The following RAB15 variants were observed in gnomAD, a reference collection of about 807,000 sequenced individuals.
RAB15 encodes the protein RAB15, member RAS oncogene family.
RAB15 carries 13 observed loss-of-function variants against 31.8 expected under a neutral mutation model. That is an observed-to-expected ratio of 0.41 (90% CI 0.27 to 0.65). The LOEUF is 0.65. RAB15 is among the 30% of genes least tolerant of loss of function. The pLI is 0.32. For missense variants in RAB15, 220 were observed against 277.3 expected, an observed-to-expected ratio of 0.79 and a Z score of 1.47; for synonymous variants, 100 against 105.6, an observed-to-expected ratio of 0.95 and a Z score of 0.33.
chr14:64,948,099 G>A lies in RAB15; in HGVS notation c.*255C>T, dbSNP rs1886014364. Reference sequence around the variant, plus strand: ...GGTGAGACAGTGCTTGCGGCACATCGTGGGGGTCGTAGCAGGCCTGTGGCT... The same window carrying A: ...GGTGAGACAGTGCTTGCGGCACATCATGGGGGTCGTAGCAGGCCTGTGGCT... On this transcript the variant is annotated 3_prime_UTR_variant, in exon 7 of 7. Transcript: ENST00000533601. The surrounding 1 kb of genome is among the most constrained non-coding windows in gnomAD (Gnocchi z 7.0). 1.7e-5 allele frequency: 7 copies of A among 423,362 alleles called. No individual in the cohort carries two copies. In the South Asian group the frequency reaches 3.3e-4, roughly 20 times the overall value. 26.2% of individuals were successfully genotyped at this position (423,362 alleles called of 1,614,324 possible).
rs1228968926 is a variant in RAB15 at position 64,950,176 on chromosome 14, G to A, written c.414+149C>T. 4 of 712,360 alleles carry A rather than the reference G, an allele frequency of 5.6e-6. No individual in the cohort carries two copies. Among genetic ancestry groups the A allele is most frequent in the Non-Finnish European group, 1.0e-5 (4 of 397,214 alleles). The allele number at this position is 712,360 out of a possible 1,614,324, so 44.1% of individuals were successfully genotyped here. On this transcript the variant is annotated intron_variant, in intron 5 of 6. Transcript: ENST00000533601. This position sits in a 1 kb window ranked among gnomAD's most constrained non-coding sequence, Gnocchi z 5.6. ...GAAACCCAGACAACAAGCCTTCCGA[G>A]GATGGCCACTCCCCCAGGGCCTTGG...
At position 64,950,870 on chromosome 14, in the gene RAB15, A is replaced by AG; in HGVS notation, c.324+203dup. 1.0e-6 allele frequency: 1 copy of AG among 981,788 alleles called. No individual in the cohort carries two copies. Among genetic ancestry groups the AG allele is most frequent in the Non-Finnish European group, 1.6e-6 (1 of 643,364 alleles). The allele number at this position is 981,788 out of a possible 1,614,324, so 60.8% of individuals were successfully genotyped here. A position where few individuals can be genotyped will look rare whatever the true frequency, so the allele number is the denominator to read the frequency against. ...ACTAATTCATTTCCGGGAAAGACAC[A>AG]GCCGTGGAGGCCTGGCAGGGTATAG... On this transcript the variant is annotated intron_variant, in intron 4 of 6. Coordinates refer to ENST00000533601, the MANE Select transcript of RAB15 (RefSeq NM_001308154.2). This position sits in a 1 kb window ranked among gnomAD's most constrained non-coding sequence, Gnocchi z 5.6.
At position 64,971,877 on chromosome 14, in the gene RAB15, C is replaced by T. The variant is rs2140010053; in HGVS notation, c.124+76G>A. 1.4e-6 allele frequency: 2 copies of T among 1,423,164 alleles called. No individual in the cohort carries two copies. The highest frequency in any genetic ancestry group is 1.9e-6 in the Non-Finnish European group (2 of 1,049,290). 88.2% of individuals were successfully genotyped at this position (1,423,164 alleles called of 1,614,324 possible). On this transcript the variant is annotated intron_variant, in intron 1 of 6. Transcript: ENST00000533601. The surrounding 1 kb of genome is among the most constrained non-coding windows in gnomAD (Gnocchi z 4.1). The stretch of plus-strand genomic sequence containing the variant: ...AGCCGGAGGGGCTGGCAATTCCTCC[C>T]CAGCTGGGGACGGGGGCGGCGGGGA...
chr14:64,969,398 A>C (rs1471359234), intron 1 of RAB15, among the ~76,000 whole-genome samples: 3 of 152,234 alleles, frequency 2.0e-5, no homozygotes, highest in Admixed American at 2.0e-4. Context: ...CTTTCCTTTA[A>C]GTTTTAGTTA....
chr14:64,969,868 AG>A (rs1887335243), intron 1 of RAB15, among the ~76,000 whole-genome samples: 1 of 152,146 alleles, frequency 6.6e-6, no homozygotes, highest in Non-Finnish European at 1.5e-5. Context: ...GACAAGGAGA[AG>A]GGTGGATGAT....
rs1887427693 is a variant in RAB15 at position 64,971,701 on chromosome 14, C to T, written c.124+252G>A. On this transcript the variant is annotated intron_variant, in intron 1 of 6. Coordinates refer to ENST00000533601, the MANE Select transcript of RAB15 (RefSeq NM_001308154.2). The surrounding 1 kb of genome is among the most constrained non-coding windows in gnomAD (Gnocchi z 4.1). ...CACCAGCTCCCCTCACCCCCGGTTT[C>T]TCGGTTTGATGGGACGGAAGGCTTC... 1.9e-6 allele frequency: 1 copy of T among 535,664 alleles called. No homozygotes were observed. The highest frequency in any genetic ancestry group is 3.4e-6 in the Non-Finnish European group (1 of 298,046). 33.2% of individuals were successfully genotyped at this position (535,664 alleles called of 1,614,324 possible). A position where few individuals can be genotyped will look rare whatever the true frequency, so the allele number is the denominator to read the frequency against.
At position 64,948,474 on chromosome 14, in the gene RAB15, A is replaced by G. The variant is rs370909235; in HGVS notation, c.519T>C (p.His173=). Residue 173 remains histidine, a synonymous_variant, in exon 7 of 7, where the codon CAT becomes CAC. Coordinates refer to ENST00000533601, the MANE Select transcript of RAB15 (RefSeq NM_001308154.2). This position sits in a 1 kb window ranked among gnomAD's most constrained non-coding sequence, Gnocchi z 7.0. ...TCCGGAGGCCTTCCAGCTCCTTCCT[A>G]TGGGCCTGCAGCACCAGCTCTGTCA... is the stretch of plus-strand genomic sequence containing the variant. ...TRLTELVLQA[H]RKELEGLRMR... 12 of 1,612,406 alleles carry G rather than the reference A, an allele frequency of 7.4e-6. No homozygotes were observed. The highest frequency in any genetic ancestry group is 3.3e-4 in the Middle Eastern group (2 of 6,076).
rs997913004 is a variant in RAB15 at position 64,965,000 on chromosome 14, C to T, written c.124+6953G>A. 9.2e-5 allele frequency among the ~76,000 whole-genome samples: 14 copies of T among 152,160 alleles called. No homozygotes were observed. In the East Asian group the frequency reaches 2.5e-3, roughly 27 times the overall value. On this transcript the variant is annotated intron_variant, in intron 1 of 6. Coordinates refer to ENST00000533601, the MANE Select transcript of RAB15 (RefSeq NM_001308154.2). Reference sequence around the variant, plus strand: ...TCACTCTGTCACCCAGGCTGGAGTACAGTGGTGTGATCACAGCTCACTGTG... The same window carrying T: ...TCACTCTGTCACCCAGGCTGGAGTATAGTGGTGTGATCACAGCTCACTGTG...
chr14:64,971,671 G>T lies in RAB15; in HGVS notation c.124+282C>A, dbSNP rs1308888540. ...TGCTACCCCAGCTCGGGGTACCCAG[G>T]CCTACACCAGCTCCCCTCACCCCCG... On this transcript the variant is annotated intron_variant, in intron 1 of 6. Transcript: ENST00000533601. This position sits in a 1 kb window ranked among gnomAD's most constrained non-coding sequence, Gnocchi z 4.1. 1 of 492,220 alleles carries T rather than the reference G, an allele frequency of 2.0e-6. No homozygotes were observed. Among genetic ancestry groups the T allele is most frequent in the East Asian group, 3.9e-5 (1 of 25,590 alleles). The allele number at this position is 492,220 out of a possible 1,614,324, so 30.5% of individuals were successfully genotyped here. A position where few individuals can be genotyped will look rare whatever the true frequency, so the allele number is the denominator to read the frequency against.
intron 1 of RAB15, among the ~76,000 whole-genome samples, chr14:64,966,999 A>G (rs8004904): frequency 0.44 from 66,751 of 151,300 alleles, 16,589 homozygotes; most frequent in African/African-American, 0.66. Context: ...AGGTCACCCC[A>G]TTCCAGGCTT....
chr14:64,957,570 G>C (rs963540414), intron 1 of RAB15, among the ~76,000 whole-genome samples: 1 of 152,090 alleles, frequency 6.6e-6, no homozygotes, highest in Admixed American at 6.5e-5. Context: ...CCACACCCAG[G>C]TGCATAGTGC....
chr14:64,965,134 GTTTTC>G (rs894748257), intron 1 of RAB15, among the ~76,000 whole-genome samples: 4 of 152,192 alleles, frequency 2.6e-5, no homozygotes, highest in African/African-American at 7.2e-5. Context: ...TTTTTGTTTT[GTTTTC>G]TTTTCTTTTC....
Position 64,961,457 on chromosome 14 carries a change from T to C in RAB15, c.125-8886A>G, listed in dbSNP as rs144332254. 2.8e-3 allele frequency among the ~76,000 whole-genome samples: 424 copies of C among 152,292 alleles called. 1 individual carries two copies. The highest frequency in any genetic ancestry group is 0.01 in the Middle Eastern group (3 of 294). Reference sequence around the variant, plus strand: ...TTAGACTAAGGTCCATGTTGCCTATTATTCAGGGTCAGAGCTGGTATCAGA... The same window carrying C: ...TTAGACTAAGGTCCATGTTGCCTATCATTCAGGGTCAGAGCTGGTATCAGA... On this transcript the variant is annotated intron_variant, in intron 1 of 6. Transcript: ENST00000533601.
chr14:64,965,883 C>CG (rs1566849240), intron 1 of RAB15, among the ~76,000 whole-genome samples: 1 of 152,056 alleles, frequency 6.6e-6, no homozygotes, highest in Non-Finnish European at 1.5e-5. Flanking sequence ...GGAAACCCTC[C>CG]GCGGGCTTCA....
At chr14:64,965,436 G>A (rs950840974) in intron 1 of RAB15, among the ~76,000 whole-genome samples, 24 of 152,106 alleles carry the variant, frequency 1.6e-4, no homozygotes, top group African/African-American at 5.8e-4. Flanking sequence ...CTCCAGCCTG[G>A]GCGACAGAGC....
In RAB15 at chr14:64,953,111, C is replaced by T. The variant is rs1026088614; in HGVS notation, c.125-540G>A. Among the ~76,000 whole-genome samples the T allele has an allele frequency of 6.6e-6, 1 of 152,230 alleles. No individual in the cohort carries two copies. Among genetic ancestry groups the T allele is most frequent in the Non-Finnish European group, 1.5e-5 (1 of 68,044 alleles). ...CTGAAGCCTCAGCACCCAGCCAAGG[C>T]TCACCAAAAAGAAGGCCTCATGCGT... On this transcript the variant is annotated intron_variant, in intron 1 of 6. Coordinates refer to ENST00000533601, the MANE Select transcript of RAB15 (RefSeq NM_001308154.2). This position sits in a 1 kb window ranked among gnomAD's most constrained non-coding sequence, Gnocchi z 4.6.
rs1887262947 is a variant in RAB15 at position 64,968,650 on chromosome 14, T to A, written c.124+3303A>T. 6.6e-6 allele frequency among the ~76,000 whole-genome samples: 1 copy of A among 152,262 alleles called. No individual in the cohort carries two copies. Among genetic ancestry groups the A allele is most frequent in the Non-Finnish European group, 1.5e-5 (1 of 68,052 alleles). ...TTGTTTTTTGTTTTTCCCTTTGTCT[T>A]GCCTCCCCATCTAGGTTATGGGCTT... On this transcript the variant is annotated intron_variant, in intron 1 of 6. Coordinates refer to ENST00000533601, the MANE Select transcript of RAB15 (RefSeq NM_001308154.2). The surrounding 1 kb of genome is among the most constrained non-coding windows in gnomAD (Gnocchi z 4.9).
intron 5 of RAB15, among the ~76,000 whole-genome samples, chr14:64,949,408 G>C (rs890954253): frequency 2.0e-4 from 30 of 152,220 alleles, no homozygotes; most frequent in Admixed American, 2.0e-3. Flanking sequence ...CACGGACTGA[G>C]TGGATAACTT....
rs1022768147 is a variant in RAB15, at chr14:64,953,444, A to C, written c.125-873T>G. Reference sequence around the variant, plus strand: ...ATGCGGGTGCTTATGAGTGACTGTCATAGGACCAGATGAAGAGGCAGTGGC... The same window carrying C: ...ATGCGGGTGCTTATGAGTGACTGTCCTAGGACCAGATGAAGAGGCAGTGGC... On this transcript the variant is annotated intron_variant, in intron 1 of 6. Coordinates refer to ENST00000533601, the MANE Select transcript of RAB15 (RefSeq NM_001308154.2). The surrounding 1 kb of genome is among the most constrained non-coding windows in gnomAD (Gnocchi z 4.6). 6.6e-6 allele frequency among the ~76,000 whole-genome samples: 1 copy of C among 152,192 alleles called. No individual in the cohort carries two copies. The highest frequency in any genetic ancestry group is 1.5e-5 in the Non-Finnish European group (1 of 68,040).
Sources: allele counts gnomAD v4.1 joint callset (sites outside exome capture counted in the v4.1 genomes callset), GRCh38; gene constraint gnomAD v4.1.1; non-coding constraint Gnocchi (gnomAD v3.1); transcripts MANE v1.5; gene names NCBI Gene and HGNC (gene_info 2026-07-23, HGNC 2026-07-21).